PABPC4L: variants seen among roughly 807,000 people sequenced by gnomAD.
PABPC4L encodes the protein poly(A) binding protein cytoplasmic 4 like, also known as polyadenylate-binding protein 4-like.
For synonymous variants in PABPC4L, 169 were observed against 164.1 expected (o/e 1.03, Z -0.23); for missense variants, 452 against 451.4 (o/e 1.00, Z -0.01).
At chr4:134,097,088 C>T in the PABPC4L span, among the ~76,000 whole-genome samples, 1 of 151,848 alleles carries the variant, frequency 6.6e-6, no homozygotes, top group African/African-American at 2.4e-5. Flanking sequence ...AGAAAATGCT[C>T]ATCAGAATTT....
the PABPC4L span, among the ~76,000 whole-genome samples, chr4:133,961,103 C>T: frequency 3.9e-5 from 6 of 152,140 alleles, no homozygotes; most frequent in Non-Finnish European, 5.9e-5. Flanking sequence ...AGGATACCAA[C>T]CAGACCAAAA....
the PABPC4L span, among the ~76,000 whole-genome samples, chr4:134,057,252 T>C: frequency 6.6e-6 from 1 of 152,092 alleles, no homozygotes; most frequent in African/African-American, 2.4e-5. Flanking sequence ...TTTTTGTTTA[T>C]AGTCTGCTTT....
the PABPC4L span, among the ~76,000 whole-genome samples, chr4:134,028,355 C>A: frequency 6.6e-6 from 1 of 152,074 alleles, no homozygotes; most frequent in Non-Finnish European, 1.5e-5. Context: ...TTCATCCTCT[C>A]CTCATGCTAA....
At chr4:134,083,881 TTAAGA>T in the PABPC4L span, among the ~76,000 whole-genome samples, 1 of 152,152 alleles carries the variant, frequency 6.6e-6, no homozygotes, top group Non-Finnish European at 1.5e-5. Context: ...CATTATAAAA[TTAAGA>T]TATTATATGT....
At chr4:134,186,052 G>A in the PABPC4L span, among the ~76,000 whole-genome samples, 1 of 152,100 alleles carries the variant, frequency 6.6e-6, no homozygotes, top group Non-Finnish European at 1.5e-5. Flanking sequence ...CAAACAAATG[G>A]AAGAACATTC....
At chr4:134,106,133 G>A in the PABPC4L span, among the ~76,000 whole-genome samples, 2 of 151,446 alleles carry the variant, frequency 1.3e-5, no homozygotes, top group Admixed American at 6.6e-5. Context: ...ACTGAAAGCC[G>A]TGATTTGTCA....
chr4:134,021,600 C>T, the PABPC4L span, among the ~76,000 whole-genome samples: 3 of 152,134 alleles, frequency 2.0e-5, no homozygotes, highest in African/African-American at 7.2e-5. Context: ...TCTCAATGAT[C>T]TGAGGTAGGA....
chr4:134,016,997 T>G, the PABPC4L span, among the ~76,000 whole-genome samples: 1 of 152,160 alleles, frequency 6.6e-6, no homozygotes. Flanking sequence ...CTACAAGGTC[T>G]GAGAAGGCCA....
At chr4:134,186,879 A>T in the PABPC4L span, among the ~76,000 whole-genome samples, 1 of 152,146 alleles carries the variant, frequency 6.6e-6, no homozygotes, top group African/African-American at 2.4e-5. Context: ...AAAAGTGGGC[A>T]AAGGATATGA....
chr4:134,163,962 T>C, the PABPC4L span, among the ~76,000 whole-genome samples: 1 of 152,060 alleles, frequency 6.6e-6, no homozygotes, highest in African/African-American at 2.4e-5. Flanking sequence ...TTACCACTTC[T>C]GTTAAAAATA....
chr4:134,088,035 A>T, the PABPC4L span, among the ~76,000 whole-genome samples: 1 of 151,968 alleles, frequency 6.6e-6, no homozygotes, highest in Non-Finnish European at 1.5e-5. Flanking sequence ...TCTTGTCTTA[A>T]CTGACCACCT....
At chr4:134,142,972 A>C in the PABPC4L span, among the ~76,000 whole-genome samples, 10 of 151,582 alleles carry the variant, frequency 6.6e-5, no homozygotes, top group African/African-American at 2.2e-4. Flanking sequence ...TAGTCTAGTC[A>C]GTGGCTCTCT....
At chr4:134,058,605 C>G in the PABPC4L span, among the ~76,000 whole-genome samples, 2 of 151,942 alleles carry the variant, frequency 1.3e-5, no homozygotes, top group Non-Finnish European at 2.9e-5. Context: ...ATATGATATC[C>G]TGAGTGTGAA....
At chr4:134,179,335 G>C in the PABPC4L span, among the ~76,000 whole-genome samples, 2 of 152,112 alleles carry the variant, frequency 1.3e-5, no homozygotes, top group Non-Finnish European at 2.9e-5. Flanking sequence ...ATAAGTAAAT[G>C]CTAAGGGAAT....
the PABPC4L span, among the ~76,000 whole-genome samples, chr4:133,996,864 T>C: frequency 2.6e-5 from 4 of 151,894 alleles, no homozygotes; most frequent in African/African-American, 9.7e-5. Flanking sequence ...GTAATTAACA[T>C]TGTCGACCCC....
the PABPC4L span, among the ~76,000 whole-genome samples, chr4:133,963,427 A>G: frequency 1.3e-5 from 2 of 152,166 alleles, no homozygotes; most frequent in Non-Finnish European, 2.9e-5. Flanking sequence ...AGCAGTAGAC[A>G]GGTCATCAAG....
At chr4:134,192,557 C>T (rs1309882482), downstream of PABPC4L, among the ~76,000 whole-genome samples, 1 of 152,022 alleles carries the variant, frequency 6.6e-6, no homozygotes, top group African/African-American at 2.4e-5. Context: ...AAAAGAAAGA[C>T]ATCTATGATA....
the PABPC4L span, among the ~76,000 whole-genome samples, chr4:134,040,419 A>G: frequency 6.6e-6 from 1 of 151,936 alleles, no homozygotes; most frequent in African/African-American, 2.4e-5. Context: ...CAGAAATAAC[A>G]CCACACATCT....
At chr4:134,164,473 A>G in the PABPC4L span, among the ~76,000 whole-genome samples, 2 of 152,064 alleles carry the variant, frequency 1.3e-5, no homozygotes, top group Non-Finnish European at 2.9e-5. Flanking sequence ...TAGCACTGCT[A>G]TACATCAACA....
Sources: gnomAD v4.1 joint callset for allele counts (sites outside exome capture counted in the v4.1 genomes callset) on GRCh38, gnomAD v4.1.1 for gene constraint, MANE v1.5 for transcripts, NCBI Gene and HGNC (gene_info 2026-07-23, HGNC 2026-07-21) for gene names.